The following MROH9 variants were observed in gnomAD, a reference collection of about 807,000 sequenced individuals.
The protein encoded by MROH9 is maestro heat like repeat family member 9.
A neutral mutation model predicts 98.2 loss-of-function variants in MROH9; 92 were observed. The ratio of observed to expected loss-of-function variants is 0.94; its 90% CI spans 0.79 to 1.11. MROH9 has a LOEUF of 1.11. Ranked by LOEUF, MROH9 falls within the 50% of genes most tolerant of loss-of-function variation. The pLI is 0.00. For missense variants in MROH9, 1,057 were observed against 1,014.8 expected, an observed-to-expected ratio of 1.04 and a Z score of -0.57; for synonymous variants, 397 against 368.9, an observed-to-expected ratio of 1.08 and a Z score of -0.87.
chr1:171,056,432 C>T (rs1447628258), intron 20 of MROH9, among the ~76,000 whole-genome samples: 2 of 152,204 alleles, frequency 1.3e-5, no homozygotes, highest in East Asian at 3.9e-4. Flanking sequence ...CTGGGTGGGG[C>T]TTCCTGCAGG....
intron 16 of MROH9, chr1:171,015,038 T>C (rs770405217): frequency 1.3e-5 from 6 of 471,874 alleles, no homozygotes; most frequent in South Asian, 9.3e-5. Context: ...CGTTCCATTT[T>C]CTGTAATTCT....
At chr1:170,938,086 A>C (rs2101858675) in intron 1 of MROH9, among the ~76,000 whole-genome samples, 1 of 152,274 alleles carries the variant, frequency 6.6e-6, no homozygotes, top group South Asian at 2.1e-4. Context: ...TAGTAGCCCA[A>C]GTTCTCTTTG....
rs1437255978 is a variant in MROH9 at position 170,986,561 on chromosome 1, A to T, written c.730A>T (p.Arg244Ter). ...FQQDESKIAQ[R>*]VGQTLLPPLL... ...TCATGATTATCCTTTGTGGTTGCAG[A>T]GAGTAGGGCAAACCTTACTGCCTCC... is the stretch of plus-strand genomic sequence containing the variant. Residue 244 changes from arginine to a stop codon, truncating the protein, a stop_gained and splice_region_variant, in exon 10 of 22, where the codon AGA becomes TGA. Coordinates refer to ENST00000367759, the MANE Select transcript of MROH9 (RefSeq NM_001163629.2). LOFTEE classifies it high-confidence loss of function. 1.9e-6 allele frequency: 3 copies of T among 1,612,294 alleles called. No homozygotes were observed. In the Admixed American group the frequency reaches 5.0e-5, roughly 27 times the overall value.
At chr1:171,029,822 G>A (rs1205080310) in intron 20 of MROH9, among the ~76,000 whole-genome samples, 1 of 152,146 alleles carries the variant, frequency 6.6e-6, no homozygotes, top group Admixed American at 6.5e-5. Flanking sequence ...AATGAGTTAG[G>A]GAGGAGTCCC....
intron 2 of MROH9, among the ~76,000 whole-genome samples, chr1:170,947,134 A>G (rs1649361886): frequency 6.6e-6 from 1 of 151,926 alleles, no homozygotes; most frequent in Non-Finnish European, 1.5e-5. Context: ...CTACATAGCC[A>G]TTTTATTTAA....
chr1:171,015,323 T>A (rs1652291037), intron 16 of MROH9, among the ~76,000 whole-genome samples: 1 of 152,134 alleles, frequency 6.6e-6, no homozygotes, highest in Non-Finnish European at 1.5e-5. Flanking sequence ...CTTCCCAATG[T>A]TATCAAAAAC....
At chr1:170,992,062 T>C (rs1651376136) in intron 11 of MROH9, 102 bp from the exon 12 acceptor site, 1 of 1,287,108 alleles carries the variant, frequency 7.8e-7, no homozygotes, top group Non-Finnish European at 1.0e-6. Flanking sequence ...CTTTGCTATA[T>C]AAAAATGTAA....
At chr1:171,015,608 T>C (rs1406416415) in intron 16 of MROH9, among the ~76,000 whole-genome samples, 1 of 151,962 alleles carries the variant, frequency 6.6e-6, no homozygotes, top group African/African-American at 2.4e-5. Context: ...CTGATCTGCA[T>C]TGACTCCCAT....
intron 1 of MROH9, among the ~76,000 whole-genome samples, chr1:170,938,218 G>T (rs1023447499): frequency 1.3e-5 from 2 of 152,144 alleles, no homozygotes; most frequent in African/African-American, 4.8e-5. Flanking sequence ...TGGAATTATT[G>T]TCGTGTCCCC....
chr1:171,003,199 C>T (rs1002259340), intron 15 of MROH9, among the ~76,000 whole-genome samples: 1 of 152,122 alleles, frequency 6.6e-6, no homozygotes, highest in East Asian at 1.9e-4. Flanking sequence ...TCTTGTCCCT[C>T]CCTGATTAGC....
intron 8 of MROH9, among the ~76,000 whole-genome samples, chr1:170,976,375 A>G (rs1046462213): frequency 5.9e-5 from 9 of 152,160 alleles, no homozygotes; most frequent in African/African-American, 1.9e-4. Context: ...GCTTGTCTAA[A>G]AAGGGTCTTA....
intron 1 of MROH9, among the ~76,000 whole-genome samples, chr1:170,944,034 G>T (rs575268659): frequency 3.3e-5 from 5 of 151,894 alleles, no homozygotes; most frequent in Non-Finnish European, 5.9e-5. Context: ...AAAAATAAAA[G>T]ATAAGGGGAA....
intron 20 of MROH9, among the ~76,000 whole-genome samples, chr1:171,057,248 T>A (rs964387999): frequency 6.6e-6 from 1 of 152,134 alleles, no homozygotes; most frequent in Non-Finnish European, 1.5e-5. Context: ...CTAACTAGAA[T>A]AACCAGTTTA....
In MROH9 at chr1:171,024,387, T is replaced by G. The variant is rs1229243606; in HGVS notation, c.1909-8T>G. On this transcript the variant is annotated splice_region_variant and splice_polypyrimidine_tract_variant and intron_variant, in intron 17 of 21. Transcript: ENST00000367759. ...ATTATCCTCAAATAAGGCCTTTGTC[T>G]TTTACAGATTAATGGAGGCATTCGA... 6.4e-7 allele frequency: 1 copy of G among 1,551,180 alleles called. No individual in the cohort carries two copies. Among genetic ancestry groups the G allele is most frequent in the Non-Finnish European group, 8.7e-7 (1 of 1,146,756 alleles).
In MROH9 at chr1:171,064,425, T is replaced by G; in HGVS notation, c.*85T>G. 7.4e-7 allele frequency: 1 copy of G among 1,342,666 alleles called. No individual in the cohort carries two copies. The highest frequency in any genetic ancestry group is 9.9e-7 in the Non-Finnish European group (1 of 1,015,122). The allele number at this position is 1,342,666 out of a possible 1,614,324, so 83.2% of individuals were successfully genotyped here. A position where few individuals can be genotyped will look rare whatever the true frequency, so the allele number is the denominator to read the frequency against. ...AGCTGACCTTAGAAGAAGAATGATT[T>G]TTCTTTCCCTCCTGACAACTTGAGT... is the stretch of plus-strand genomic sequence containing the variant. On this transcript the variant is annotated 3_prime_UTR_variant, in exon 22 of 22. Coordinates refer to ENST00000367759, the MANE Select transcript of MROH9 (RefSeq NM_001163629.2).
intron 12 of MROH9, among the ~76,000 whole-genome samples, chr1:170,993,789 A>G (rs939367319): frequency 6.6e-6 from 1 of 152,176 alleles, no homozygotes; most frequent in Non-Finnish European, 1.5e-5. Flanking sequence ...ATAAAAGTTG[A>G]CCAGCTCTTA....
chr1:171,024,304 G>T lies in MROH9; in HGVS notation c.1909-91G>T. ...TACATATATAGTATATTTATATGGG[G>T]TGTGTGTGTGTGTGTGTGTGTGTGT... On this transcript the variant is annotated intron_variant, in intron 17 of 21. Coordinates refer to ENST00000367759, the MANE Select transcript of MROH9 (RefSeq NM_001163629.2). 1.2e-5 allele frequency: 6 copies of T among 488,232 alleles called. No individual in the cohort carries two copies. The South Asian group carries it at 1.3e-4, about 11-fold the overall frequency. 30.2% of individuals were successfully genotyped at this position (488,232 alleles called of 1,614,324 possible).
Position 170,965,231 on chromosome 1 carries a change from T to C in MROH9, c.456T>C (p.Phe152=). 1 of 1,611,062 alleles carries C rather than the reference T, an allele frequency of 6.2e-7. No homozygotes were observed. The highest frequency in any genetic ancestry group is 2.2e-5 in the East Asian group (1 of 44,802). The change falls in exon 7 of 22, where the codon TTT becomes TTC. Residue 152 remains phenylalanine (F), a synonymous_variant. Transcript: ENST00000367759. Reference sequence around the variant, plus strand: ...TGATCATCAACAAGGTGTTAAGATTTACAGTCACAAAAGTCAGAAAATACG... The same window carrying C: ...TGATCATCAACAAGGTGTTAAGATTCACAGTCACAAAAGTCAGAAAATACG... ...IMVIINKVLR[F]TVTKVRKYIS... is the part of the protein sequence containing the mutation.
At chr1:171,036,823 C>T (rs1257780773) in intron 20 of MROH9, among the ~76,000 whole-genome samples, 1 of 148,610 alleles carries the variant, frequency 6.7e-6, no homozygotes, top group Non-Finnish European at 1.5e-5. Flanking sequence ...TGAATAAAAG[C>T]AAAAAACGAA....
Sources: allele counts gnomAD v4.1 joint callset (sites outside exome capture counted in the v4.1 genomes callset), GRCh38; gene constraint gnomAD v4.1.1; transcripts MANE v1.5; gene names NCBI Gene and HGNC (gene_info 2026-07-23, HGNC 2026-07-21).